Variants in RAPGEF1 observed in about 807,000 individuals in gnomAD.
RAPGEF1 encodes Rap guanine nucleotide exchange factor 1, also known as CRK SH3-binding GNRP.
In RAPGEF1, 33 loss-of-function variants were observed where a neutral mutation model predicts 143.3. The ratio of observed to expected loss-of-function variants is 0.23; its 90% confidence interval spans 0.17 to 0.31. The LOEUF is 0.31. Among genes scored for constraint, RAPGEF1 ranks in the 10% least tolerant of loss-of-function variants. RAPGEF1 has a pLI of 1.00. For missense variants in RAPGEF1, 1,199 were observed against 1,645.4 expected (o/e 0.73, Z 4.69); for synonymous variants, 629 against 676.5 (o/e 0.93, Z 1.09).
intron 22 of RAPGEF1, among the ~76,000 whole-genome samples, chr9:131,585,163 T>TG (rs1466853302): frequency 2.0e-5 from 3 of 152,206 alleles, no homozygotes; most frequent in Admixed American, 1.3e-4. Context: ...CAGGGTCACT[T>TG]GGAGGTGGTG....
At chr9:131,586,525 A>C (rs865870277) in intron 22 of RAPGEF1, among the ~76,000 whole-genome samples, 17 of 5,898 alleles carry the variant, frequency 2.9e-3, no homozygotes, top group East Asian at 5.1e-3. Flanking sequence ...GACTCCGTCA[A>C]ACACACACAC....
chr9:131,586,374 C>A lies in RAPGEF1; in HGVS notation c.3233+1362G>T, dbSNP rs1307295543. On this transcript the variant is annotated intron_variant, in intron 22 of 26. Transcript: ENST00000683357. ...CTCAAACACACACACACACACACAC[C>A]CACCTGCAGAGCGAGACTCCGTCTC... 5.1e-3 allele frequency among the ~76,000 whole-genome samples: 280 copies of A among 54,658 alleles called. 5 individuals are homozygous for A. The highest frequency in any genetic ancestry group is 0.018 in the Middle Eastern group (1 of 56). The allele number at this position is 54,658 out of a possible 152,430, so 35.9% of individuals were successfully genotyped here.
At chr9:131,590,907 G>A (rs990426161) in intron 18 of RAPGEF1, among the ~76,000 whole-genome samples, 1 of 152,222 alleles carries the variant, frequency 6.6e-6, no homozygotes, top group Non-Finnish European at 1.5e-5. Flanking sequence ...CATGTCTCTG[G>A]GCCTCGGTTT....
intron 1 of RAPGEF1, among the ~76,000 whole-genome samples, chr9:131,710,626 C>T (rs962830542): frequency 5.3e-5 from 8 of 152,098 alleles, no homozygotes; most frequent in African/African-American, 1.7e-4. Context: ...AGGTGGCTCA[C>T]GCCTGTAATC....
At chr9:131,661,174 C>T (rs1973974042) in intron 1 of RAPGEF1, among the ~76,000 whole-genome samples, 2 of 152,216 alleles carry the variant, frequency 1.3e-5, no homozygotes, top group African/African-American at 4.8e-5. Flanking sequence ...TGTGAGGTCA[C>T]CATCAGACAT....
intron 1 of RAPGEF1, among the ~76,000 whole-genome samples, chr9:131,656,289 T>G (rs1046111208): frequency 6.6e-6 from 1 of 152,256 alleles, no homozygotes; most frequent in Non-Finnish European, 1.5e-5. Context: ...AGTCTCAATC[T>G]GGCTTTTAGC....
At chr9:131,602,909 C>T (rs1361494542) in intron 14 of RAPGEF1, among the ~76,000 whole-genome samples, 1 of 152,214 alleles carries the variant, frequency 6.6e-6, no homozygotes. Context: ...TGCTTCAAGG[C>T]AAGGAGCCAG....
chr9:131,719,623 T>C (rs183508374), intron 1 of RAPGEF1, among the ~76,000 whole-genome samples: 19 of 145,912 alleles, frequency 1.3e-4, no homozygotes, highest in Admixed American at 2.1e-4. Flanking sequence ...AGTAAGCTGA[T>C]GTTCATTAGG....
intron 1 of RAPGEF1, among the ~76,000 whole-genome samples, chr9:131,678,028 TACTC>T (rs1832577172): frequency 6.6e-6 from 1 of 152,198 alleles, no homozygotes; most frequent in African/African-American, 2.4e-5. Context: ...TAATAGAACA[TACTC>T]ACAGCTGTTT....
At position 131,675,552 on chromosome 9, in the gene RAPGEF1, C is replaced by G. The variant is rs983127604; in HGVS notation, c.62-24603G>C. On this transcript the variant is annotated intron_variant, in intron 1 of 26. Coordinates refer to ENST00000683357, the MANE Select transcript of RAPGEF1 (RefSeq NM_001377935.1). The surrounding 1 kb of genome is among the most constrained non-coding windows in gnomAD (Gnocchi z 4.6). ...GACGAATTACCAATGTACTGGTGGT[C>G]CTGATGTCTAGATAAAAATGAATTC... 3.3e-5 allele frequency among the ~76,000 whole-genome samples: 5 copies of G among 152,220 alleles called. No individual in the cohort carries two copies. The highest frequency in any genetic ancestry group is 1.2e-4 in the African/African-American group (5 of 41,450).
At chr9:131,684,623 T>C (rs1322844701) in intron 1 of RAPGEF1, among the ~76,000 whole-genome samples, 2 of 152,232 alleles carry the variant, frequency 1.3e-5, no homozygotes, top group Non-Finnish European at 2.9e-5. Context: ...CCAGATGTTA[T>C]CAGCAGCTGA....
chr9:131,639,744 A>C (rs1330904375), intron 4 of RAPGEF1, among the ~76,000 whole-genome samples: 1 of 152,210 alleles, frequency 6.6e-6, no homozygotes, highest in Admixed American at 6.5e-5. Flanking sequence ...AAAACACCCC[A>C]AAATGATGCA....
intron 5 of RAPGEF1, among the ~76,000 whole-genome samples, chr9:131,632,474 G>C (rs1965204505): frequency 6.6e-6 from 1 of 152,094 alleles, no homozygotes. Flanking sequence ...AAAATGTCAT[G>C]AATGTGTGCA....
chr9:131,731,116 C>T (rs1837044206), intron 1 of RAPGEF1, among the ~76,000 whole-genome samples: 1 of 152,174 alleles, frequency 6.6e-6, no homozygotes, highest in African/African-American at 2.4e-5. Context: ...AATGTTAACT[C>T]TTTCAGGTCT....
intron 1 of RAPGEF1, among the ~76,000 whole-genome samples, chr9:131,733,952 G>C (rs1837256237): frequency 6.6e-6 from 1 of 152,128 alleles, no homozygotes; most frequent in African/African-American, 2.4e-5. Flanking sequence ...GAAACATTTG[G>C]GGTTGCTGTG....
intron 1 of RAPGEF1, among the ~76,000 whole-genome samples, chr9:131,715,460 C>T (rs368243593): frequency 2.0e-5 from 3 of 152,042 alleles, no homozygotes; most frequent in African/African-American, 7.2e-5. Context: ...AGATCCAGGG[C>T]TTTGTCTCAT....
chr9:131,715,283 C>T (rs779160726), intron 1 of RAPGEF1, among the ~76,000 whole-genome samples: 10 of 152,014 alleles, frequency 6.6e-5, no homozygotes, highest in African/African-American at 1.2e-4. Context: ...GGGTGGGGGA[C>T]GCATGTCTAG....
chr9:131,689,953 T>C (rs888797230), intron 1 of RAPGEF1, among the ~76,000 whole-genome samples: 1 of 152,254 alleles, frequency 6.6e-6, no homozygotes, highest in East Asian at 1.9e-4. Flanking sequence ...ATGTAAAGTA[T>C]ATGTATTCTG....
At position 131,671,446 on chromosome 9, in the gene RAPGEF1, G is replaced by C. The variant is rs1053820640; in HGVS notation, c.62-20497C>G. ...AAAACCAAGTCCCAGTTCTGGGCCCGCCCACAAAACTGGGGTTGCAATGTG... is the reference window on the plus strand; with the variant it reads ...AAAACCAAGTCCCAGTTCTGGGCCCCCCCACAAAACTGGGGTTGCAATGTG... On this transcript the variant is annotated intron_variant, in intron 1 of 26. Coordinates refer to ENST00000683357, the MANE Select transcript of RAPGEF1 (RefSeq NM_001377935.1). Among the ~76,000 whole-genome samples the C allele has an allele frequency of 1.3e-5, 2 of 152,212 alleles. 1 individual carries two copies. The highest frequency in any genetic ancestry group is 4.1e-4 in the South Asian group (2 of 4,826).
Sources: allele counts gnomAD v4.1 joint callset (sites outside exome capture counted in the v4.1 genomes callset), GRCh38; gene constraint gnomAD v4.1.1; non-coding constraint Gnocchi (gnomAD v3.1); transcripts MANE v1.5; gene names NCBI Gene and HGNC (gene_info 2026-07-23, HGNC 2026-07-21).